The following PRKCG variants were observed in gnomAD, a reference collection of about 807,000 sequenced individuals.
PRKCG encodes the protein protein kinase C gamma type.
Under a neutral mutation model 82.0 loss-of-function variants are expected in PRKCG, and 28 were observed. The observed-to-expected ratio is 0.34, with a 90% CI of 0.25 to 0.47. The LOEUF (loss-of-function observed/expected upper bound fraction) is 0.47. Ranked by LOEUF, PRKCG falls within the 20% of genes least tolerant of loss-of-function variation. The probability of loss-of-function intolerance (pLI) is 1.00; values close to 1 mark genes in which losing one functional copy is unlikely to be tolerated. For synonymous variants in PRKCG, 383 were observed against 376.6 expected (o/e 1.02, Z -0.20); for missense variants, 640 against 952.7 (o/e 0.67, Z 4.32).
rs572590108 is a variant in PRKCG, at chr19:53,907,251, C to T, written c.*356C>T. ...TCTGTGCCTCCCCCCAGACCCCGCCCCTGGGGAAATAGCCTCACGGGGTTG... is the reference window on the plus strand; with the variant it reads ...TCTGTGCCTCCCCCCAGACCCCGCCTCTGGGGAAATAGCCTCACGGGGTTG... On this transcript the variant is annotated 3_prime_UTR_variant, in exon 18 of 18. Coordinates refer to ENST00000263431, the MANE Select transcript of PRKCG (RefSeq NM_002739.5). 92 of 376,310 alleles carry T rather than the reference C, an allele frequency of 2.4e-4. No individual in the cohort carries two copies. The highest frequency in any genetic ancestry group is 1.6e-3 in the African/African-American group (77 of 48,530). 23.3% of individuals were successfully genotyped at this position (376,310 alleles called of 1,614,324 possible). A position where few individuals can be genotyped will look rare whatever the true frequency, so the allele number is the denominator to read the frequency against.
intron 14 of PRKCG, among the ~76,000 whole-genome samples, chr19:53,902,408 C>G (rs1371557641): frequency 6.6e-6 from 1 of 151,666 alleles, no homozygotes; most frequent in African/African-American, 2.4e-5. Flanking sequence ...AGTGAGACTC[C>G]ATCTCAAAAA....
chr19:53,905,338 AC>A (rs1025987330), intron 16 of PRKCG, among the ~76,000 whole-genome samples: 2 of 130,740 alleles, frequency 1.5e-5, no homozygotes, highest in African/African-American at 2.9e-5. Context: ...CCTTTGTCCA[AC>A]CCCCCTACCC....
Position 53,906,866 on chromosome 19 carries a change from A to C in PRKCG, c.2065A>C (p.Thr689Pro), listed in dbSNP as rs765311269. ...DFVHPDARSP[T>P]SPVPVPVM The stretch of plus-strand genomic sequence containing the variant: ...CGTGCACCCGGATGCCCGCAGCCCC[A>C]CCAGCCCAGTGCCTGTGCCCGTCAT... The change falls in exon 18 of 18, where the codon ACC becomes CCC. Residue 689 changes from threonine to proline, a missense_variant. Around this residue, in one of 7 missense-constraint regions of PRKCG, gnomAD observed 198 missense variants for 273.4 expected, o/e 0.72. Transcript: ENST00000263431. 1 of 1,613,304 alleles carries C rather than the reference A, an allele frequency of 6.2e-7. No individual in the cohort carries two copies. Among genetic ancestry groups the C allele is most frequent in the South Asian group, 1.1e-5 (1 of 91,072 alleles).
In PRKCG at chr19:53,883,184, G is replaced by A; in HGVS notation, c.192G>A (p.Leu64=). 1 of 1,613,944 alleles carries A rather than the reference G, an allele frequency of 6.2e-7. No homozygotes were observed. Among genetic ancestry groups the A allele is most frequent in the South Asian group, 1.1e-5 (1 of 91,076 alleles). The change falls in exon 2 of 18, where the codon CTG becomes CTA. Residue 64 remains leucine, a synonymous_variant. Coordinates refer to ENST00000263431, the MANE Select transcript of PRKCG (RefSeq NM_002739.5). This position sits in a 1 kb window ranked among gnomAD's most constrained non-coding sequence, Gnocchi z 5.4. ...DFIWGIGKQG[L]QCQVCSFVVH... is the part of the protein sequence containing the mutation. ...CCAGGGGTATCGGAAAGCAGGGCCTGCAATGTCAAGGTAAGAGCTGGGGAC... is the reference window on the plus strand; with the variant it reads ...CCAGGGGTATCGGAAAGCAGGGCCTACAATGTCAAGGTAAGAGCTGGGGAC...
At position 53,889,553 on chromosome 19, in the gene PRKCG, G is replaced by A; in HGVS notation, c.286-85G>A. On this transcript the variant is annotated intron_variant, in intron 3 of 17. Transcript: ENST00000263431. This position sits in a 1 kb window ranked among gnomAD's most constrained non-coding sequence, Gnocchi z 4.4. ...AGCCTCAGGCTGACCTAGAGAGCAA[G>A]GCAGGAGGAAAAGATAAAAGGGCCC... 1 of 982,146 alleles carries A rather than the reference G, an allele frequency of 1.0e-6. No homozygotes were observed. The highest frequency in any genetic ancestry group is 1.6e-6 in the Non-Finnish European group (1 of 620,520). The allele number at this position is 982,146 out of a possible 1,614,324, so 60.8% of individuals were successfully genotyped here.
At position 53,884,266 on chromosome 19, in the gene PRKCG, C is replaced by G; in HGVS notation, c.285+23C>G. The G allele has an allele frequency of 6.2e-7, 1 of 1,610,874 alleles. No homozygotes were observed. Reference sequence around the variant, plus strand: ...GACGTGAGTGCTCGGACACCTGGTTCTCCTCCTCGGGCCGTGCCCCCGCCC... The same window carrying G: ...GACGTGAGTGCTCGGACACCTGGTTGTCCTCCTCGGGCCGTGCCCCCGCCC... On this transcript the variant is annotated intron_variant, in intron 3 of 17. Coordinates refer to ENST00000263431, the MANE Select transcript of PRKCG (RefSeq NM_002739.5). The surrounding 1 kb of genome is among the most constrained non-coding windows in gnomAD (Gnocchi z 4.6).
chr19:53,883,524 C>A lies in PRKCG; in HGVS notation c.202+330C>A, dbSNP rs2122975083. On this transcript the variant is annotated intron_variant, in intron 2 of 17. Coordinates refer to ENST00000263431, the MANE Select transcript of PRKCG (RefSeq NM_002739.5). The surrounding 1 kb of genome is among the most constrained non-coding windows in gnomAD (Gnocchi z 5.4). ...GGCTGGAGATGCAAAGTCAGAGCCC[C>A]CCCCCACCCCAGGCTGCCGTCGCCA... Among the ~76,000 whole-genome samples the A allele has an allele frequency of 6.6e-6, 1 of 152,066 alleles. No homozygotes were observed. Among genetic ancestry groups the A allele is most frequent in the South Asian group, 2.1e-4 (1 of 4,810 alleles).
chr19:53,894,096 C>T (rs570641736), intron 9 of PRKCG, among the ~76,000 whole-genome samples: 2 of 144,102 alleles, frequency 1.4e-5, no homozygotes, highest in East Asian at 2.1e-4. Context: ...GACGGAGTCT[C>T]GCTGTGACGC....
chr19:53,886,330 C>G (rs1219848702), intron 3 of PRKCG, among the ~76,000 whole-genome samples: 2 of 152,002 alleles, frequency 1.3e-5, no homozygotes, highest in Non-Finnish European at 2.9e-5. Flanking sequence ...GGTCTTGCTC[C>G]TGACCTCACG....
intron 9 of PRKCG, among the ~76,000 whole-genome samples, chr19:53,894,713 G>T (rs958604513): frequency 6.6e-6 from 1 of 152,102 alleles, no homozygotes; most frequent in Non-Finnish European, 1.5e-5. Context: ...ACCCGCCTTG[G>T]CCTCCCAAAG....
rs1417852308 is a variant in PRKCG, at chr19:53,902,984, C to T, written c.1576-89C>T. 8 of 813,296 alleles carry T rather than the reference C, an allele frequency of 9.8e-6. No homozygotes were observed. The Middle Eastern group carries it at 7.0e-4, about 71-fold the overall frequency. 50.4% of individuals were successfully genotyped at this position (813,296 alleles called of 1,614,324 possible). On this transcript the variant is annotated intron_variant, in intron 14 of 17. Coordinates refer to ENST00000263431, the MANE Select transcript of PRKCG (RefSeq NM_002739.5). Reference sequence around the variant, plus strand: ...AAGAGCTTGTGCTGAAAGCACTTAACGTGGGTAGCGCTCCCAGGGGGTGAG... The same window carrying T: ...AAGAGCTTGTGCTGAAAGCACTTAATGTGGGTAGCGCTCCCAGGGGGTGAG...
At position 53,891,916 on chromosome 19, in the gene PRKCG, A is replaced by C. The variant is rs985988742; in HGVS notation, c.686+86A>C. 54 of 1,572,198 alleles carry C rather than the reference A, an allele frequency of 3.4e-5. 1 individual carries two copies. The Admixed American group carries it at 3.9e-4, about 11-fold the overall frequency. On this transcript the variant is annotated intron_variant, in intron 6 of 17. Transcript: ENST00000263431. The stretch of plus-strand genomic sequence containing the variant: ...TGGCCCCCAGAGAGCAGCTGATGGG[A>C]GGGGTTAGGATAGAGGGAACCCAGA...
At chr19:53,893,152 TG>T in intron 8 of PRKCG, 77 bp downstream of exon 8, 1 of 1,376,462 alleles carries the variant, frequency 7.3e-7, no homozygotes, top group Non-Finnish European at 1.0e-6. Context: ...CTTCCACCCC[TG>T]AGTGCCCGCT....
Position 53,893,090 on chromosome 19 carries a change from G to T in PRKCG, c.909+15G>T. ...AGAAGTTTGAGGTACCCAGACCCTG[G>T]CTTCCTCAAGGGAGCCCAGCCCAGC... is the stretch of plus-strand genomic sequence containing the variant. On this transcript the variant is annotated intron_variant, in intron 8 of 17. Coordinates refer to ENST00000263431, the MANE Select transcript of PRKCG (RefSeq NM_002739.5). 6.2e-7 allele frequency: 1 copy of T among 1,610,982 alleles called. No individual in the cohort carries two copies. Among genetic ancestry groups the T allele is most frequent in the Admixed American group, 1.7e-5 (1 of 59,798 alleles).
At chr19:53,903,986 T>C (rs2068783410) in intron 15 of PRKCG, among the ~76,000 whole-genome samples, 1 of 152,180 alleles carries the variant, frequency 6.6e-6, no homozygotes, top group Non-Finnish European at 1.5e-5. Flanking sequence ...ATTTGGAATA[T>C]CTGCAACTCT....
intron 3 of PRKCG, among the ~76,000 whole-genome samples, chr19:53,888,267 A>G (rs1568752119): frequency 6.6e-6 from 1 of 151,986 alleles, no homozygotes; most frequent in Non-Finnish European, 1.5e-5. Context: ...CAAACTAGAA[A>G]CCCCACTAAC....
rs200201073 is a variant in PRKCG, at chr19:53,895,132, GAACA to G, written c.939+1756_939+1759del. 2.3e-3 allele frequency among the ~76,000 whole-genome samples: 352 copies of G among 152,274 alleles called. 1 individual carries two copies. The highest frequency in any genetic ancestry group is 0.017 in the Middle Eastern group (5 of 294). On this transcript the variant is annotated intron_variant, in intron 9 of 17. Coordinates refer to ENST00000263431, the MANE Select transcript of PRKCG (RefSeq NM_002739.5). The stretch of plus-strand genomic sequence containing the variant: ...TGGGGATATAGAGAAAGCAGGGAAA[GAACA>G]AACAAACAAACAAAAAAGTTCCTTT...
At position 53,906,880 on chromosome 19, in the gene PRKCG, T is replaced by C; in HGVS notation, c.2079T>C (p.Pro693=). ...PDARSPTSPV[P]VPVM ...CCCGCAGCCCCACCAGCCCAGTGCC[T>C]GTGCCCGTCATGTAATCTCACCCGC... Residue 693 remains proline, a synonymous_variant, in exon 18 of 18, where the codon CCT becomes CCC. Transcript: ENST00000263431. 1 of 1,613,426 alleles carries C rather than the reference T, an allele frequency of 6.2e-7. No individual in the cohort carries two copies. Among genetic ancestry groups the C allele is most frequent in the Non-Finnish European group, 8.5e-7 (1 of 1,179,930 alleles).
Position 53,891,711 on chromosome 19 carries a change from T to G in PRKCG, c.567T>G (p.Asn189Lys). 1.9e-6 allele frequency: 3 copies of G among 1,613,798 alleles called. No homozygotes were observed. The highest frequency in any genetic ancestry group is 2.5e-6 in the Non-Finnish European group (3 of 1,179,924). The change falls in exon 6 of 18, where the codon AAT becomes AAG. Residue 189 changes from asparagine to lysine, a missense_variant. Coordinates refer to ENST00000263431, the MANE Select transcript of PRKCG (RefSeq NM_002739.5). The stretch of plus-strand genomic sequence containing the variant: ...GTAACCTAATTCCTATGGACCCCAA[T>G]GGTCTCTCTGATCCCTATGTGAAAC... ...EARNLIPMDP[N>K]GLSDPYVKLK...
Sources: gnomAD v4.1 joint callset for allele counts (sites outside exome capture counted in the v4.1 genomes callset) on GRCh38, gnomAD v4.1.1 for gene constraint, gnomAD v4.1.1 regional missense constraint, Gnocchi (gnomAD v3.1) non-coding constraint, MANE v1.5 for transcripts, NCBI Gene and HGNC (gene_info 2026-07-23, HGNC 2026-07-21) for gene names.